CFAP45: variants seen among roughly 807,000 people sequenced by gnomAD.
CFAP45 encodes cilia and flagella associated protein 45, also known as cilia- and flagella-associated protein 45.
A neutral mutation model predicts 75.6 loss-of-function variants in CFAP45; 43 were observed. That is an observed-to-expected ratio of 0.57 (90% CI 0.45 to 0.73). CFAP45 has a LOEUF of 0.73. Ranked by LOEUF, CFAP45 falls within the 30% of genes least tolerant of loss-of-function variation. The pLI, the probability that CFAP45 is intolerant of heterozygous loss-of-function variation, is 0.00. For synonymous variants in CFAP45, 223 were observed against 244.6 expected, an observed-to-expected ratio of 0.91 and a Z score of 0.82; for missense variants, 689 against 701.5, an observed-to-expected ratio of 0.98 and a Z score of 0.20.
chr1:159,872,665 A>ACC, intron 11 of CFAP45, 102 bp from the exon 12 acceptor site: 1 of 999,638 alleles, frequency 1.0e-6, no homozygotes, highest in Non-Finnish European at 1.6e-6. Flanking sequence ...GGGGGCCTGC[A>ACC]CCCCCCAACC....
intron 7 of CFAP45, among the ~76,000 whole-genome samples, chr1:159,883,096 C>G (rs1393836525): frequency 6.6e-6 from 1 of 152,206 alleles, no homozygotes; most frequent in African/African-American, 2.4e-5. Flanking sequence ...TCACCACCAT[C>G]AAATGCACTA....
At chr1:159,887,357 G>A (rs574470976) in intron 5 of CFAP45, among the ~76,000 whole-genome samples, 1 of 152,356 alleles carries the variant, frequency 6.6e-6, no homozygotes, top group African/African-American at 2.4e-5. Flanking sequence ...ATGCAAATGA[G>A]TTACAACAGA....
At chr1:159,896,710 G>A (rs1488687465) in intron 1 of CFAP45, among the ~76,000 whole-genome samples, 2 of 152,164 alleles carry the variant, frequency 1.3e-5, no homozygotes, top group African/African-American at 2.4e-5. Context: ...AAGGCAGGGG[G>A]TCTGGGGAAG....
intron 6 of CFAP45, among the ~76,000 whole-genome samples, 186 bp from the exon 7 acceptor site, chr1:159,884,751 T>C (rs1649636053): frequency 6.6e-6 from 1 of 152,136 alleles, no homozygotes; most frequent in Non-Finnish European, 1.5e-5. Context: ...CCTCAAGGGT[T>C]GGCCTCCTTT....
intron 10 of CFAP45, among the ~76,000 whole-genome samples, chr1:159,874,515 A>AG (rs1000107619): frequency 2.1e-4 from 32 of 152,320 alleles, no homozygotes; most frequent in African/African-American, 7.5e-4. Flanking sequence ...CTCTGATAGC[A>AG]GGGGGACTCT....
chr1:159,900,091 C>T lies in CFAP45; in HGVS notation c.3+5G>A, dbSNP rs1282776007. 6.2e-7 allele frequency: 1 copy of T among 1,614,056 alleles called. No homozygotes were observed. Among genetic ancestry groups the T allele is most frequent in the Non-Finnish European group, 8.5e-7 (1 of 1,180,014 alleles). Reference sequence around the variant, plus strand: ...ACAAGGGGCCCATCTGAGGTTCTCCCTCACCATCTCCTCAGCCACACGCCC... The same window carrying T: ...ACAAGGGGCCCATCTGAGGTTCTCCTTCACCATCTCCTCAGCCACACGCCC... On this transcript the variant is annotated splice_donor_5th_base_variant and intron_variant, in intron 1 of 11. Transcript: ENST00000368099.
chr1:159,873,762 C>T (rs1324587520), intron 10 of CFAP45, among the ~76,000 whole-genome samples: 4 of 152,054 alleles, frequency 2.6e-5, no homozygotes, highest in Non-Finnish European at 5.9e-5. Flanking sequence ...CCACTGGGAA[C>T]TATTGTTCCT....
In CFAP45 at chr1:159,884,460, T is replaced by C. The variant is rs1366906447; in HGVS notation, c.873A>G (p.Glu291=). The part of the protein sequence containing the change: ...QEKEQMLEYM[E]QLQEEDLKDM... ...CCTTTAGATCTTCCTCTTGGAGCTG[T>C]TCCATATATTCCAGCATCTGCTCCT... The change falls in exon 7 of 12, where the codon GAA becomes GAG. Residue 291 remains glutamate, a synonymous_variant. Transcript: ENST00000368099. The C allele has an allele frequency of 2.5e-6, 4 of 1,613,606 alleles. No homozygotes were observed. The Admixed American group carries it at 6.7e-5, about 27-fold the overall frequency.
chr1:159,889,459 C>T (rs1649775575), intron 3 of CFAP45, among the ~76,000 whole-genome samples: 1 of 152,170 alleles, frequency 6.6e-6, no homozygotes, highest in South Asian at 2.1e-4. Flanking sequence ...AGATTTGCAG[C>T]TTAGCCAAGA....
chr1:159,888,765 C>A (rs1314247019), intron 3 of CFAP45, among the ~76,000 whole-genome samples: 3 of 146,942 alleles, frequency 2.0e-5, no homozygotes, highest in Non-Finnish European at 4.5e-5. Context: ...TGAGACCCCC[C>A]ATCATGTCCA....
At position 159,888,397 on chromosome 1, in the gene CFAP45, A is replaced by C. The variant is rs1557914810; in HGVS notation, c.372T>G (p.Leu124=). The C allele has an allele frequency of 1.2e-6, 2 of 1,612,606 alleles. No homozygotes were observed. Among genetic ancestry groups the C allele is most frequent in the Non-Finnish European group, 1.7e-6 (2 of 1,178,998 alleles). ...TCTTGAAGGCCTGGTCCCTGGCCTC[A>C]AGTTCTTCTCTGGTCAGGACATGGG... The part of the protein sequence containing the change: ...WASHVLTREE[L]EARDQAFKKE... Residue 124 remains leucine, a synonymous_variant, in exon 4 of 12, where the codon CTT becomes CTG. Coordinates refer to ENST00000368099, the MANE Select transcript of CFAP45 (RefSeq NM_012337.3).
At chr1:159,894,655 C>G (rs1427298644) in intron 1 of CFAP45, among the ~76,000 whole-genome samples, 1 of 152,182 alleles carries the variant, frequency 6.6e-6, no homozygotes, top group Admixed American at 6.5e-5. Context: ...CTACTAACTT[C>G]CTATTTTGGC....
intron 1 of CFAP45, among the ~76,000 whole-genome samples, chr1:159,896,468 A>T (rs775768802): frequency 2.0e-5 from 3 of 152,248 alleles, no homozygotes; most frequent in Admixed American, 6.5e-5. Context: ...AACAAGGATT[A>T]GAGAGGTCAC....
chr1:159,878,757 A>AAAAAAAAAAAAAAT (rs1649472598), intron 8 of CFAP45, among the ~76,000 whole-genome samples: 1 of 98,254 alleles, frequency 1.0e-5, no homozygotes, highest in Non-Finnish European at 2.1e-5. Flanking sequence ...TACATCTAAA[A>AAAAAAAAAAAAAAT]AAAAAAAAAA....
intron 4 of CFAP45, 77 bp downstream of exon 4, chr1:159,888,275 C>G (rs1021210324): frequency 1.1e-4 from 160 of 1,443,266 alleles, no homozygotes; most frequent in Non-Finnish European, 1.4e-4. Context: ...ATTTCAGGGT[C>G]CCCTGATGAG....
chr1:159,897,237 C>T (rs971666511), intron 1 of CFAP45, among the ~76,000 whole-genome samples: 2 of 151,990 alleles, frequency 1.3e-5, no homozygotes, highest in African/African-American at 4.8e-5. Context: ...GCACTCCAGC[C>T]TGGGTGACAG....
intron 3 of CFAP45, among the ~76,000 whole-genome samples, chr1:159,889,237 T>A (rs1649768250): frequency 1.4e-5 from 2 of 146,772 alleles, no homozygotes. Context: ...TTATAATGAT[T>A]ACAAGCAAAT....
intron 8 of CFAP45, among the ~76,000 whole-genome samples, chr1:159,879,022 T>TA (rs1448953481): frequency 6.6e-6 from 1 of 152,118 alleles, no homozygotes; most frequent in African/African-American, 2.4e-5. Flanking sequence ...CGTAGATACT[T>TA]ACGGTGGACT....
intron 1 of CFAP45, 42 bp downstream of exon 1, chr1:159,900,054 C>G: frequency 6.2e-7 from 1 of 1,613,276 alleles, no homozygotes; most frequent in Non-Finnish European, 8.5e-7. Context: ...GAGCCCCCAC[C>G]CAATTCAGGA....
Sources: allele counts gnomAD v4.1 joint callset (sites outside exome capture counted in the v4.1 genomes callset), GRCh38; gene constraint gnomAD v4.1.1; transcripts MANE v1.5; gene names NCBI Gene and HGNC (gene_info 2026-07-23, HGNC 2026-07-21).